The following CTNNA3 variants were observed in gnomAD, a reference collection of about 807,000 sequenced individuals.
CTNNA3 encodes the protein catenin alpha 3, also known as catenin alpha-3.
A neutral mutation model predicts 95.7 loss-of-function variants in CTNNA3; 76 were observed. The observed-to-expected ratio is 0.79, with a 90% CI of 0.66 to 0.96. The LOEUF (loss-of-function observed/expected upper bound fraction) is 0.96. Ranked by LOEUF, CTNNA3 falls within the 40% of genes least tolerant of loss-of-function variation. CTNNA3 has a pLI of 0.00. For synonymous variants in CTNNA3, 431 were observed against 374.4 expected, an observed-to-expected ratio of 1.15 and a Z score of -1.74; for missense variants, 1,191 against 1,089.8, an observed-to-expected ratio of 1.09 and a Z score of -1.31.
chr10:67,718,132 A>G (rs919925961), intron 1 of CTNNA3, among the ~76,000 whole-genome samples: 35 of 152,198 alleles, frequency 2.3e-4, no homozygotes, highest in African/African-American at 8.4e-4. Context: ...TTATTGGTGT[A>G]TAGAAATGCT....
At chr10:66,996,068 T>C (rs1240563001) in intron 7 of CTNNA3, among the ~76,000 whole-genome samples, 1 of 152,190 alleles carries the variant, frequency 6.6e-6, no homozygotes, top group Non-Finnish European at 1.5e-5. Context: ...TTTTGTAATA[T>C]TATCCTACTA....
intron 7 of CTNNA3, among the ~76,000 whole-genome samples, chr10:66,813,140 T>G (rs974956775): frequency 2.0e-5 from 3 of 152,170 alleles, no homozygotes; most frequent in African/African-American, 7.2e-5. Context: ...TACATCATGT[T>G]CAGAGTTTTG....
chr10:66,246,098 C>T (rs1176041848), intron 13 of CTNNA3, among the ~76,000 whole-genome samples: 1 of 152,224 alleles, frequency 6.6e-6, no homozygotes, highest in Non-Finnish European at 1.5e-5. Flanking sequence ...CCCCCTTCCA[C>T]CCAGCAATCT....
chr10:67,439,060 AGT>A (rs1323954694), intron 5 of CTNNA3, among the ~76,000 whole-genome samples: 7 of 152,146 alleles, frequency 4.6e-5, no homozygotes, highest in Admixed American at 4.6e-4. Flanking sequence ...CTAGGGACAG[AGT>A]GAAAAACGGG....
At position 67,426,897 on chromosome 10, in the gene CTNNA3, T is replaced by C. The variant is rs117410277; in HGVS notation, c.579+94945A>G. 3.3e-3 allele frequency among the ~76,000 whole-genome samples: 495 copies of C among 152,162 alleles called. 2 individuals are homozygous for C. The highest frequency in any genetic ancestry group is 0.027 in the Middle Eastern group (8 of 294). ...TTTAAATAGCTAACTACTTAGTGCATTTATGATACATGCTGAAAATTTTCA... is the reference window on the plus strand; with the variant it reads ...TTTAAATAGCTAACTACTTAGTGCACTTATGATACATGCTGAAAATTTTCA... On this transcript the variant is annotated intron_variant, in intron 5 of 17. Coordinates refer to ENST00000433211, the MANE Select transcript of CTNNA3 (RefSeq NM_013266.4).
intron 9 of CTNNA3, among the ~76,000 whole-genome samples, chr10:66,658,135 AACTCTAGT>A (rs1262667875): frequency 1.3e-5 from 2 of 152,100 alleles, no homozygotes; most frequent in Non-Finnish European, 2.9e-5. Context: ...ACTTTCACCT[AACTCTAGT>A]ACTCTAGTAA....
At chr10:66,919,827 A>G (rs1020358991) in intron 7 of CTNNA3, among the ~76,000 whole-genome samples, 3 of 152,218 alleles carry the variant, frequency 2.0e-5, no homozygotes, top group Admixed American at 6.5e-5. Context: ...CTAGAAATGA[A>G]GAAAATTATT....
intron 13 of CTNNA3, among the ~76,000 whole-genome samples, chr10:66,277,716 T>C (rs1433012520): frequency 6.6e-6 from 1 of 152,066 alleles, no homozygotes; most frequent in Non-Finnish European, 1.5e-5. Flanking sequence ...ACTGGGGGTA[T>C]AGAGATAGAG....
intron 10 of CTNNA3, among the ~76,000 whole-genome samples, chr10:66,613,791 A>G (rs1564568774): frequency 1.3e-5 from 2 of 152,138 alleles, no homozygotes; most frequent in Admixed American, 6.6e-5. Flanking sequence ...TTAGGCATAA[A>G]TTATAAAAGG....
chr10:66,478,848 A>G (rs1233318000), intron 11 of CTNNA3, among the ~76,000 whole-genome samples: 1 of 151,824 alleles, frequency 6.6e-6, no homozygotes, highest in Non-Finnish European at 1.5e-5. Flanking sequence ...GCAGATTTTT[A>G]GTTATATATA....
intron 15 of CTNNA3, among the ~76,000 whole-genome samples, chr10:66,034,977 G>A (rs1377753989): frequency 6.6e-6 from 1 of 152,002 alleles, no homozygotes; most frequent in Non-Finnish European, 1.5e-5. Flanking sequence ...ACTCTCTTTT[G>A]TTAAACAGCT....
chr10:67,436,972 T>G (rs1846324560), intron 5 of CTNNA3, among the ~76,000 whole-genome samples: 1 of 152,116 alleles, frequency 6.6e-6, no homozygotes, highest in Non-Finnish European at 1.5e-5. Context: ...CCCACTAATG[T>G]GTATCTACCC....
Position 66,690,822 on chromosome 10 carries a change from C to T in CTNNA3, c.1282-69038G>A, listed in dbSNP as rs1023828080. Among the ~76,000 whole-genome samples the T allele has an allele frequency of 2.1e-4, 32 of 152,260 alleles. No individual in the cohort carries two copies. The East Asian group carries it at 4.6e-3, about 22-fold the overall frequency. On this transcript the variant is annotated intron_variant, in intron 9 of 17. Transcript: ENST00000433211. ...CTTTATAGCAGCATGATTTATAGTC[C>T]TTTGGGTATGTACCCAGTAATGGGA...
chr10:67,160,396 G>C (rs1818210921), intron 7 of CTNNA3, among the ~76,000 whole-genome samples: 1 of 149,312 alleles, frequency 6.7e-6, no homozygotes, highest in South Asian at 2.1e-4. Flanking sequence ...ATAAAAAGTA[G>C]CTGGAAGAGA....
chr10:66,992,841 T>C (rs978895395), intron 7 of CTNNA3, among the ~76,000 whole-genome samples: 6 of 152,182 alleles, frequency 3.9e-5, no homozygotes, highest in Non-Finnish European at 7.4e-5. Flanking sequence ...TTTTTAGTGA[T>C]ACAACAAGGC....
chr10:66,447,462 G>A (rs2093431252), intron 11 of CTNNA3, among the ~76,000 whole-genome samples: 1 of 138,596 alleles, frequency 7.2e-6, no homozygotes, highest in South Asian at 2.5e-4. Context: ...GCATGGTACT[G>A]GTACCAAAAC....
intron 7 of CTNNA3, among the ~76,000 whole-genome samples, chr10:66,884,645 A>G (rs1844974578): frequency 6.6e-6 from 1 of 152,094 alleles, no homozygotes; most frequent in African/African-American, 2.4e-5. Flanking sequence ...CCAGAACCAG[A>G]GCTAAGTTGC....
chr10:66,621,862 A>T, intron 9 of CTNNA3, 78 bp from the exon 10 acceptor site: 1 of 686,170 alleles, frequency 1.5e-6, no homozygotes, highest in Non-Finnish European at 2.4e-6. Context: ...GAACAAGAAC[A>T]TGTACACATT....
chr10:67,646,200 T>A (rs1378051018), intron 2 of CTNNA3, among the ~76,000 whole-genome samples: 1 of 150,746 alleles, frequency 6.6e-6, no homozygotes, highest in East Asian at 1.9e-4. Flanking sequence ...TTTTTTTTTT[T>A]TAAACAGGGT....
Sources: allele counts gnomAD v4.1 joint callset (sites outside exome capture counted in the v4.1 genomes callset), GRCh38; gene constraint gnomAD v4.1.1; transcripts MANE v1.5; gene names NCBI Gene and HGNC (gene_info 2026-07-23, HGNC 2026-07-21).